ZSWIM6: variants seen among roughly 807,000 people sequenced by gnomAD.
ZSWIM6 encodes the protein zinc finger SWIM domain-containing protein 6.
ZSWIM6 carries 9 observed loss-of-function variants against 113.2 expected under a neutral mutation model. That is an observed-to-expected ratio of 0.08 (90% CI 0.05 to 0.14). The LOEUF (loss-of-function observed/expected upper bound fraction) is 0.14, where lower values mean the gene tolerates loss of function less well. ZSWIM6 is among the 10% of genes least tolerant of loss of function. The probability of loss-of-function intolerance (pLI) is 1.00; values close to 1 mark genes in which losing one functional copy is unlikely to be tolerated. For synonymous variants in ZSWIM6, 611 were observed against 606.5 expected, an observed-to-expected ratio of 1.01 and a Z score of -0.11; for missense variants, 1,162 against 1,552.2, an observed-to-expected ratio of 0.75 and a Z score of 4.22.
intron 1 of ZSWIM6, among the ~76,000 whole-genome samples, chr5:61,427,457 C>T (rs2112131426): frequency 6.6e-6 from 1 of 152,150 alleles, no homozygotes; most frequent in East Asian, 1.9e-4. Context: ...CTTTTTGGAA[C>T]TTCATTGAAC....
chr5:61,334,987 T>C (rs1019290802), intron 1 of ZSWIM6, among the ~76,000 whole-genome samples: 2 of 152,148 alleles, frequency 1.3e-5, no homozygotes, highest in Non-Finnish European at 2.9e-5. Flanking sequence ...GTTTCTTGGC[T>C]GATTGCATTT....
At chr5:61,470,321 A>G (rs931772268) in intron 1 of ZSWIM6, among the ~76,000 whole-genome samples, 3 of 152,214 alleles carry the variant, frequency 2.0e-5, no homozygotes, top group African/African-American at 7.2e-5. Context: ...TACATATATG[A>G]CAGGTGGAAA....
At chr5:61,381,602 T>A (rs551691249) in intron 1 of ZSWIM6, among the ~76,000 whole-genome samples, 1 of 152,274 alleles carries the variant, frequency 6.6e-6, no homozygotes, top group South Asian at 2.1e-4. Flanking sequence ...GTCCATAGTT[T>A]TTTTTGTTCT....
chr5:61,483,871 T>G (rs1247055320), intron 2 of ZSWIM6, among the ~76,000 whole-genome samples: 1 of 151,192 alleles, frequency 6.6e-6, no homozygotes, highest in African/African-American at 2.4e-5. Context: ...AGCGAGACTC[T>G]GTCTCAAAAA....
In ZSWIM6 at chr5:61,387,415, G is replaced by A. The variant is rs143018300; in HGVS notation, c.676+54467G>A. ...GTGATGGCCCATGCCTTTAATCTCA[G>A]CACTGTGGGAGGCTGAGGCAGGTGG... On this transcript the variant is annotated intron_variant, in intron 1 of 13. Coordinates refer to ENST00000252744, the MANE Select transcript of ZSWIM6 (RefSeq NM_020928.2). 9.1e-4 allele frequency among the ~76,000 whole-genome samples: 139 copies of A among 152,350 alleles called. 2 individuals carry two copies. The highest frequency in any genetic ancestry group is 8.2e-3 in the Admixed American group (126 of 15,308).
chr5:61,531,797 GTGCTATCTGAA>G, intron 9 of ZSWIM6, 72 bp downstream of exon 9: 1 of 1,494,798 alleles, frequency 6.7e-7, no homozygotes, highest in Non-Finnish European at 9.0e-7. Flanking sequence ...TATGTTAAAA[GTGCTATCTGAA>G]TGCATTTAAT....
chr5:61,388,550 T>G (rs1561218253), intron 1 of ZSWIM6, among the ~76,000 whole-genome samples: 1 of 152,252 alleles, frequency 6.6e-6, no homozygotes, highest in Non-Finnish European at 1.5e-5. Flanking sequence ...TTACATCAAG[T>G]GCTGCATACT....
At chr5:61,363,743 GCA>G (rs1745079663) in intron 1 of ZSWIM6, among the ~76,000 whole-genome samples, 1 of 152,094 alleles carries the variant, frequency 6.6e-6, no homozygotes, top group Non-Finnish European at 1.5e-5. Context: ...TATTAAAAAG[GCA>G]CACAGTTTCT....
At chr5:61,502,252 G>A (rs191118308) in intron 4 of ZSWIM6, among the ~76,000 whole-genome samples, 77 of 152,298 alleles carry the variant, frequency 5.1e-4, no homozygotes, top group African/African-American at 1.8e-3. Context: ...GGCTGAAGCA[G>A]CTCCTTAGGC....
chr5:61,345,446 A>G (rs188304808), intron 1 of ZSWIM6, among the ~76,000 whole-genome samples: 1 of 152,344 alleles, frequency 6.6e-6, no homozygotes, highest in Non-Finnish European at 1.5e-5. Flanking sequence ...GAATGTGGCT[A>G]TCTGTAAATA....
chr5:61,427,727 T>C (rs1188486778), intron 1 of ZSWIM6, among the ~76,000 whole-genome samples: 1 of 152,106 alleles, frequency 6.6e-6, no homozygotes, highest in Non-Finnish European at 1.5e-5. Context: ...GTGATCCTCC[T>C]GCTTTAGCCT....
chr5:61,471,919 A>G (rs1367033137), intron 1 of ZSWIM6, among the ~76,000 whole-genome samples: 1 of 140,456 alleles, frequency 7.1e-6, no homozygotes, highest in Non-Finnish European at 1.6e-5. Context: ...GTAACTTTGT[A>G]CCGTGTATTT....
chr5:61,382,986 C>T (rs911166252), intron 1 of ZSWIM6, among the ~76,000 whole-genome samples: 6 of 152,110 alleles, frequency 3.9e-5, no homozygotes, highest in South Asian at 2.1e-4. Flanking sequence ...TCTTTAATCT[C>T]CAAACACCTT....
intron 8 of ZSWIM6, among the ~76,000 whole-genome samples, chr5:61,530,694 T>C (rs1284457994): frequency 1.3e-5 from 2 of 152,210 alleles, no homozygotes; most frequent in African/African-American, 4.8e-5. Flanking sequence ...GATTTCACTT[T>C]GGCCCATTGA....
chr5:61,433,917 C>T (rs1746639936), intron 1 of ZSWIM6, among the ~76,000 whole-genome samples: 1 of 150,368 alleles, frequency 6.7e-6, no homozygotes, highest in Admixed American at 6.6e-5. Context: ...TAAGAAGGAA[C>T]AATTAATTGA....
chr5:61,475,049 C>T (rs1747674780), intron 2 of ZSWIM6, among the ~76,000 whole-genome samples: 1 of 152,196 alleles, frequency 6.6e-6, no homozygotes, highest in Non-Finnish European at 1.5e-5. Flanking sequence ...TCTGCTCTGT[C>T]ATATCATCTG....
At position 61,535,563 on chromosome 5, in the gene ZSWIM6, C is replaced by T. The variant is rs1749553694; in HGVS notation, c.2325C>T (p.Thr775=). ...PMHTFAKYLF[T]SLLPHDAELA... is the part of the protein sequence containing the mutation. ...ACACATTTGCCAAGTATCTCTTCAC[C>T]TCTCTCCTACCTCACGATGCTGAAT... The change falls in exon 10 of 14, where the codon ACC becomes ACT. Residue 775 remains threonine (T), a synonymous_variant. Transcript: ENST00000252744. 1.3e-6 allele frequency: 2 copies of T among 1,551,296 alleles called. No individual in the cohort carries two copies. Among genetic ancestry groups the T allele is most frequent in the African/African-American group, 1.4e-5 (1 of 73,094 alleles).
chr5:61,448,869 C>T (rs1747024159), intron 1 of ZSWIM6, among the ~76,000 whole-genome samples: 1 of 152,172 alleles, frequency 6.6e-6, no homozygotes, highest in Non-Finnish European at 1.5e-5. Flanking sequence ...AAAAAAATCA[C>T]AGTTGCAGTA....
In ZSWIM6 at chr5:61,545,216, T is replaced by C. The variant is rs149348639; in HGVS notation, c.*899T>C. On this transcript the variant is annotated 3_prime_UTR_variant, in exon 14 of 14. Transcript: ENST00000252744. ...GATTGCATGGTTGGACTGAGATCTA[T>C]TGGGAGAAATTATATATGTATATAT... is the stretch of plus-strand genomic sequence containing the variant. The C allele has an allele frequency of 6.6e-6, 1 of 151,838 alleles. No individual in the cohort carries two copies. Among genetic ancestry groups the C allele is most frequent in the Non-Finnish European group, 1.5e-5 (1 of 67,958 alleles). 9.4% of individuals were successfully genotyped at this position (151,838 alleles called of 1,614,324 possible).
Sources: allele counts gnomAD v4.1 joint callset (sites outside exome capture counted in the v4.1 genomes callset), GRCh38; gene constraint gnomAD v4.1.1; transcripts MANE v1.5; gene names NCBI Gene and HGNC (gene_info 2026-07-23, HGNC 2026-07-21).